Variants in EML4 observed in about 807,000 individuals in gnomAD.
EML4 encodes the protein EMAP like 4, also known as echinoderm microtubule-associated protein-like 4.
A neutral mutation model predicts 129.0 loss-of-function variants in EML4; 72 were observed. That is an observed-to-expected ratio of 0.56 (90% CI 0.46 to 0.68). The LOEUF is 0.68. Among genes scored for constraint, EML4 ranks in the 30% least tolerant of loss-of-function variants. The pLI is 0.00. For synonymous variants in EML4, 532 were observed against 405.0 expected (o/e 1.31, Z -3.77); for missense variants, 1,363 against 1,190.6 (o/e 1.14, Z -2.13).
chr2:42,215,858 C>G (rs1423636317), intron 1 of EML4, among the ~76,000 whole-genome samples: 1 of 152,166 alleles, frequency 6.6e-6, no homozygotes, highest in Non-Finnish European at 1.5e-5. Flanking sequence ...TAGTTTTCCA[C>G]AACTCTTACT....
At chr2:42,265,484 C>G (rs1212928529) in intron 6 of EML4, among the ~76,000 whole-genome samples, 1 of 152,148 alleles carries the variant, frequency 6.6e-6, no homozygotes, top group African/African-American at 2.4e-5. Context: ...AAGCAGTCCT[C>G]CCGCCTCAGC....
intron 14 of EML4, 107 bp downstream of exon 14, chr2:42,301,499 A>G (rs1668285133): frequency 1.1e-6 from 1 of 895,874 alleles, no homozygotes; most frequent in Non-Finnish European, 1.6e-6. Flanking sequence ...AAATTCTTAT[A>G]ATTTCATTTC....
rs569580506 is a variant in EML4 at position 42,248,100 on chromosome 2, G to T, written c.208+2413G>T. The stretch of plus-strand genomic sequence containing the variant: ...TGGTCCTCATTCCTCAGCCTCTGGA[G>T]TAGCTAGGACTACAGGTGTACACCA... On this transcript the variant is annotated intron_variant, in intron 2 of 22. Transcript: ENST00000318522. Among the ~76,000 whole-genome samples the T allele has an allele frequency of 6.2e-4, 94 of 152,142 alleles. No homozygotes were observed. The South Asian group carries it at 7.1e-3, about 11-fold the overall frequency.
intron 2 of EML4, among the ~76,000 whole-genome samples, chr2:42,250,319 AG>A (rs1675679694): frequency 6.6e-6 from 1 of 152,196 alleles, no homozygotes; most frequent in Non-Finnish European, 1.5e-5. Flanking sequence ...GATACTCTAA[AG>A]GCACAGATTT....
chr2:42,170,905 AAGTC>A (rs1670234146), intron 1 of EML4, among the ~76,000 whole-genome samples: 1 of 152,262 alleles, frequency 6.6e-6, no homozygotes, highest in African/African-American at 2.4e-5. Flanking sequence ...GTAAAAAAGT[AAGTC>A]AAAGAGCAAT....
chr2:42,271,256 A>C (rs1446132734), intron 6 of EML4, among the ~76,000 whole-genome samples: 1 of 152,190 alleles, frequency 6.6e-6, no homozygotes, highest in Non-Finnish European at 1.5e-5. Flanking sequence ...GGATCCCTAC[A>C]TCTGGGCTTT....
intron 1 of EML4, among the ~76,000 whole-genome samples, chr2:42,217,692 T>C (rs1673284530): frequency 1.3e-5 from 2 of 152,256 alleles, no homozygotes; most frequent in Admixed American, 1.3e-4. Flanking sequence ...ATATTCGTTG[T>C]CTTAATGAGT....
chr2:42,201,346 A>G (rs1227145161), intron 1 of EML4, among the ~76,000 whole-genome samples: 1 of 152,234 alleles, frequency 6.6e-6, no homozygotes, highest in Admixed American at 6.5e-5. Context: ...GGTGGAAACT[A>G]AGGGATGAGT....
At chr2:42,273,576 C>G (rs1666491566) in intron 6 of EML4, among the ~76,000 whole-genome samples, 1 of 152,072 alleles carries the variant, frequency 6.6e-6, no homozygotes, top group African/African-American at 2.4e-5. Context: ...AGGTTCATAT[C>G]TTTTACACTG....
Position 42,303,583 on chromosome 2 carries a change from A to AT in EML4, c.1899+138dup, listed in dbSNP as rs1191913514. 24 of 955,076 alleles carry AT rather than the reference A, an allele frequency of 2.5e-5. No homozygotes were observed. In the Middle Eastern group the frequency reaches 7.1e-4, roughly 28 times the overall value. The allele number at this position is 955,076 out of a possible 1,614,324, so 59.2% of individuals were successfully genotyped here. On this transcript the variant is annotated intron_variant, in intron 16 of 22. Transcript: ENST00000318522. ...TATGGTTTAGTAATAGAGGGTGGAG[A>AT]TAAGAGGGTAGCGTTTAGTCTTAAA... is the stretch of plus-strand genomic sequence containing the variant.
intron 17 of EML4, among the ~76,000 whole-genome samples, chr2:42,312,176 G>C (rs901640680): frequency 1.7e-4 from 26 of 152,184 alleles, no homozygotes; most frequent in African/African-American, 6.3e-4. Flanking sequence ...GGAAGCTTCA[G>C]CTCACAGCTC....
intron 1 of EML4, among the ~76,000 whole-genome samples, chr2:42,194,446 C>T (rs1490477896): frequency 2.7e-5 from 4 of 150,220 alleles, no homozygotes; most frequent in East Asian, 1.9e-4. Context: ...TTTTCCCCTA[C>T]ATTGTGGCTT....
intron 6 of EML4, among the ~76,000 whole-genome samples, chr2:42,271,451 T>A (rs1440291353): frequency 2.6e-5 from 4 of 152,172 alleles, no homozygotes; most frequent in African/African-American, 9.7e-5. Context: ...TCTGATTTCA[T>A]AATGTTGTGG....
chr2:42,258,714 T>C (rs1174209339), intron 3 of EML4, among the ~76,000 whole-genome samples: 2 of 149,540 alleles, frequency 1.3e-5, no homozygotes, highest in African/African-American at 4.8e-5. Context: ...TTGTATTTCT[T>C]AGCACCTGCT....
intron 18 of EML4, 43 bp from the exon 19 acceptor site, chr2:42,317,384 A>T: frequency 8.4e-7 from 1 of 1,185,108 alleles, no homozygotes; most frequent in Non-Finnish European, 1.2e-6. Flanking sequence ...AAATAAATTT[A>T]TCAGTATATT....
chr2:42,172,966 C>T (rs1215777761), intron 1 of EML4, among the ~76,000 whole-genome samples: 2 of 152,184 alleles, frequency 1.3e-5, no homozygotes, highest in African/African-American at 4.8e-5. Context: ...CCTAACCAGT[C>T]AGCTTTAAAT....
intron 1 of EML4, among the ~76,000 whole-genome samples, chr2:42,190,388 G>C (rs1319940339): frequency 6.6e-6 from 1 of 152,118 alleles, no homozygotes; most frequent in Non-Finnish European, 1.5e-5. Flanking sequence ...TAGGGTTTGG[G>C]ATATATTTTG....
chr2:42,303,272 A>C (rs1668395165), intron 15 of EML4, 43 bp downstream of exon 15: 1 of 1,613,736 alleles, frequency 6.2e-7, no homozygotes, highest in Admixed American at 1.7e-5. Flanking sequence ...ATTTTTTATG[A>C]TATTCTTTGG....
chr2:42,235,666 G>T (rs920099936), intron 1 of EML4, among the ~76,000 whole-genome samples: 1 of 152,044 alleles, frequency 6.6e-6, no homozygotes, highest in Admixed American at 6.5e-5. Context: ...CAACTTATTT[G>T]TTCTTGGGAT....
Sources: gnomAD v4.1 joint callset for allele counts (sites outside exome capture counted in the v4.1 genomes callset) on GRCh38, gnomAD v4.1.1 for gene constraint, MANE v1.5 for transcripts, NCBI Gene and HGNC (gene_info 2026-07-23, HGNC 2026-07-21) for gene names.